SF3B3: variants seen among roughly 807,000 people sequenced by gnomAD.
SF3B3 encodes SAP 130.
Under a neutral mutation model 139.2 loss-of-function variants are expected in SF3B3, and 33 were observed. The ratio of observed to expected loss-of-function variants is 0.24; its 90% CI spans 0.18 to 0.32. The LOEUF (loss-of-function observed/expected upper bound fraction) is 0.32, where lower values mean the gene tolerates loss of function less well. Ranked by LOEUF, SF3B3 falls within the 10% of genes least tolerant of loss-of-function variation. The pLI is 1.00. For synonymous variants in SF3B3, 596 were observed against 563.6 expected, an observed-to-expected ratio of 1.06 and a Z score of -0.81; for missense variants, 818 against 1,509.4, an observed-to-expected ratio of 0.54 and a Z score of 7.59.
rs1046050366 is a variant in SF3B3 at position 70,574,529 on chromosome 16, C to G, written c.*2716C>G. 5 of 152,226 alleles carry G rather than the reference C, an allele frequency of 3.3e-5. No homozygotes were observed. Among genetic ancestry groups the G allele is most frequent in the Admixed American group, 2.0e-4 (3 of 15,280 alleles). 9.4% of individuals were successfully genotyped at this position (152,226 alleles called of 1,614,324 possible). A position where few individuals can be genotyped will look rare whatever the true frequency, so the allele number is the denominator to read the frequency against. Reference sequence around the variant, plus strand: ...TGTTTGTTTATTAGAGATGGAATCTCTCTCTCTTGACCAGGCTAGAGGGCT... The same window carrying G: ...TGTTTGTTTATTAGAGATGGAATCTGTCTCTCTTGACCAGGCTAGAGGGCT... On this transcript the variant is annotated 3_prime_UTR_variant, in exon 26 of 26. Transcript: ENST00000302516.
intron 21 of SF3B3, among the ~76,000 whole-genome samples, 196 bp from the exon 22 acceptor site, chr16:70,568,087 G>A (rs1050125216): frequency 2.6e-5 from 4 of 152,186 alleles, no homozygotes; most frequent in African/African-American, 9.6e-5. Flanking sequence ...AAGTAAATGT[G>A]AGAGTTAGGC....
chr16:70,548,171 G>A lies in SF3B3; in HGVS notation c.1330-199G>A, dbSNP rs561588163. On this transcript the variant is annotated intron_variant, in intron 10 of 25. Transcript: ENST00000302516. ...CCCTCTCAGACATCCTGTAACTTTTGCTTAAGACTGTCATGGGGATTGCCA... is the reference window on the plus strand; with the variant it reads ...CCCTCTCAGACATCCTGTAACTTTTACTTAAGACTGTCATGGGGATTGCCA... Among the ~76,000 whole-genome samples the A allele has an allele frequency of 3.3e-5, 5 of 152,312 alleles. No individual in the cohort carries two copies. The East Asian group carries it at 9.6e-4, about 29-fold the overall frequency.
chr16:70,562,663 C>G (rs971371885), intron 17 of SF3B3, among the ~76,000 whole-genome samples: 2 of 152,118 alleles, frequency 1.3e-5, no homozygotes, highest in Non-Finnish European at 2.9e-5. Flanking sequence ...TCATCTGTGG[C>G]CCCTACCTCC....
chr16:70,547,408 G>A (rs921542157), intron 10 of SF3B3, among the ~76,000 whole-genome samples: 1 of 152,170 alleles, frequency 6.6e-6, no homozygotes, highest in Non-Finnish European at 1.5e-5. Flanking sequence ...ACAGTACAGA[G>A]AGTTCCTGTA....
At chr16:70,569,904 T>G in intron 23 of SF3B3, 102 bp from the exon 24 acceptor site, 1 of 1,321,994 alleles carries the variant, frequency 7.6e-7, no homozygotes, top group South Asian at 1.4e-5. Flanking sequence ...TTTTGGATGT[T>G]AATAGATGAT....
At chr16:70,525,054 CG>C (rs943679385) in intron 1 of SF3B3, 4 of 150,356 alleles carry the variant, frequency 2.7e-5, no homozygotes, top group African/African-American at 4.9e-5. Context: ...GTTTTTGAGA[CG>C]AAGTCTCGCT....
At chr16:70,525,477 T>C (rs762923178) in intron 1 of SF3B3, among the ~76,000 whole-genome samples, 27 of 152,000 alleles carry the variant, frequency 1.8e-4, no homozygotes, top group Non-Finnish European at 2.9e-5. Flanking sequence ...GTATCAGTTA[T>C]AAGGAAAGGG....
intron 8 of SF3B3, among the ~76,000 whole-genome samples, chr16:70,540,720 A>G (rs2050211591): frequency 6.6e-6 from 1 of 151,864 alleles, no homozygotes. Flanking sequence ...TAATATTTAG[A>G]AAATTCATGT....
At chr16:70,556,747 C>T in intron 14 of SF3B3, 139 bp from the exon 15 acceptor site, 1 of 821,040 alleles carries the variant, frequency 1.2e-6, no homozygotes, top group Non-Finnish European at 1.9e-6. Flanking sequence ...TAACTCAGTA[C>T]TCTCTTAGAA....
intron 2 of SF3B3, among the ~76,000 whole-genome samples, chr16:70,528,055 A>G (rs1370534714): frequency 1.3e-5 from 2 of 151,452 alleles, no homozygotes; most frequent in African/African-American, 4.9e-5. Flanking sequence ...GATTACAGGC[A>G]TGAGCTACTG....
At chr16:70,538,146 T>G (rs2050186365) in intron 6 of SF3B3, 177 bp from the exon 7 acceptor site, 1 of 736,786 alleles carries the variant, frequency 1.4e-6, no homozygotes, top group Non-Finnish European at 2.5e-6. Context: ...TATTAGATAT[T>G]TATATTAGAA....
At position 70,575,263 on chromosome 16, in the gene SF3B3, ATC is replaced by A. The variant is rs2050568988; in HGVS notation, c.*3453_*3454del. Reference sequence around the variant, plus strand: ...GCCCAGGCTAGAGTACAGAGGCACAATCTCGGCTCACCACAGCCTCCGCCTCC... The same window carrying A: ...GCCCAGGCTAGAGTACAGAGGCACAATCGGCTCACCACAGCCTCCGCCTCC... On this transcript the variant is annotated 3_prime_UTR_variant, in exon 26 of 26. Transcript: ENST00000302516. The A allele has an allele frequency of 6.8e-6, 1 of 146,404 alleles. No individual in the cohort carries two copies. The highest frequency in any genetic ancestry group is 6.9e-5 in the Admixed American group (1 of 14,490). The allele number at this position is 146,404 out of a possible 1,614,324, so 9.1% of individuals were successfully genotyped here.
In SF3B3 at chr16:70,554,264, C is replaced by G. The variant is rs920879618; in HGVS notation, c.1403-182C>G. The G allele has an allele frequency of 7.2e-6, 4 of 556,796 alleles. No homozygotes were observed. The African/African-American group carries it at 7.6e-5, about 11-fold the overall frequency. 34.5% of individuals were successfully genotyped at this position (556,796 alleles called of 1,614,324 possible). ...AAGCAGAGTATATCTGTAGGCTCTT[C>G]TGACCCCTAGTTTTCTTCTGGATCA... On this transcript the variant is annotated intron_variant, in intron 11 of 25. Transcript: ENST00000302516.
chr16:70,570,177 T>A lies in SF3B3; in HGVS notation c.3408+28T>A, dbSNP rs2050514844. ...GAGAGCGCCCACATTACTCTGGCCT[T>A]GACTTTTAAGGTTGTTTCTTGGTGC... On this transcript the variant is annotated intron_variant, in intron 24 of 25. Coordinates refer to ENST00000302516, the MANE Select transcript of SF3B3 (RefSeq NM_012426.5). The A allele has an allele frequency of 3.1e-6, 5 of 1,613,006 alleles. No homozygotes were observed. The South Asian group carries it at 4.4e-5, about 14-fold the overall frequency.
At chr16:70,531,779 G>T (rs1291156926) in intron 4 of SF3B3, among the ~76,000 whole-genome samples, 2 of 152,228 alleles carry the variant, frequency 1.3e-5, no homozygotes, top group Non-Finnish European at 2.9e-5. Context: ...TTTTTTCACA[G>T]AACATACTAT....
intron 17 of SF3B3, among the ~76,000 whole-genome samples, chr16:70,562,751 A>C (rs1486375591): frequency 1.3e-5 from 2 of 152,182 alleles, no homozygotes; most frequent in African/African-American, 4.8e-5. Flanking sequence ...CCCCAAAACT[A>C]AATCAGGGAA....
rs2050563710 is a variant in SF3B3 at position 70,574,978 on chromosome 16, A to T, written c.*3165A>T. The T allele has an allele frequency of 6.6e-6, 1 of 152,182 alleles. No homozygotes were observed. The allele number at this position is 152,182 out of a possible 1,614,324, so 9.4% of individuals were successfully genotyped here. A position where few individuals can be genotyped will look rare whatever the true frequency, so the allele number is the denominator to read the frequency against. ...AATCAAACCTGGTCCAAAAAACGTC[A>T]CAACGGAGGAAAGGAATAGATGGCT... On this transcript the variant is annotated 3_prime_UTR_variant, in exon 26 of 26. Transcript: ENST00000302516.
At chr16:70,560,641 A>G (rs761166367) in intron 16 of SF3B3, 50 bp downstream of exon 16, 1 of 1,595,942 alleles carries the variant, frequency 6.3e-7, no homozygotes, top group Non-Finnish European at 8.6e-7. Context: ...TTTTAGTGGC[A>G]CCATCTGAGA....
At chr16:70,548,554 C>G in intron 11 of SF3B3, 112 bp downstream of exon 11, 1 of 923,128 alleles carries the variant, frequency 1.1e-6, no homozygotes, top group Non-Finnish European at 1.7e-6. Flanking sequence ...GCACCATATA[C>G]CAGAAACTTT....
Sources: gnomAD v4.1 joint callset for allele counts (sites outside exome capture counted in the v4.1 genomes callset) on GRCh38, gnomAD v4.1.1 for gene constraint, MANE v1.5 for transcripts, NCBI Gene and HGNC (gene_info 2026-07-23, HGNC 2026-07-21) for gene names.